LRBA: variants seen among roughly 807,000 people sequenced by gnomAD.
The protein encoded by LRBA is lipopolysaccharide-responsive and beige-like anchor protein.
A neutral mutation model predicts 330.0 loss-of-function variants in LRBA; 176 were observed. The ratio of observed to expected loss-of-function variants is 0.53; its 90% confidence interval spans 0.47 to 0.60. The LOEUF is 0.60. LRBA is among the 20% of genes least tolerant of loss of function. LRBA has a pLI of 0.00. For missense variants in LRBA, 3,259 were observed against 3,444.8 expected (o/e 0.95, Z 1.35); for synonymous variants, 1,230 against 1,193.0 (o/e 1.03, Z -0.64).
Position 150,325,885 on chromosome 4 carries a change from T to C in LRBA, c.7376A>G (p.Gln2459Arg), listed in dbSNP as rs369733391. Residue 2459 changes from glutamine to arginine, a missense_variant, in exon 49 of 57, where the codon CAA becomes CGA. Coordinates refer to ENST00000651943, the MANE Select transcript of LRBA (RefSeq NM_001364905.1). ...AGGAGTCTGTCCAAAACTTCGGATT[T>C]GAGCTTCAACAGCCTGAAAAGGGCA... is the stretch of plus-strand genomic sequence containing the variant. ...DPVLREAVEA[Q>R]IRSFGQTPSQ... 1.2e-6 allele frequency: 2 copies of C among 1,611,838 alleles called. No homozygotes were observed. The highest frequency in any genetic ancestry group is 8.5e-7 in the Non-Finnish European group (1 of 1,178,368).
At chr4:150,980,185 AAT>A (rs1379105722) in intron 2 of LRBA, among the ~76,000 whole-genome samples, 1 of 152,226 alleles carries the variant, frequency 6.6e-6, no homozygotes, top group Non-Finnish European at 1.5e-5. Flanking sequence ...CAAATCAATC[AAT>A]ATGATACATC....
chr4:150,712,056 G>T (rs1786272836), intron 36 of LRBA, among the ~76,000 whole-genome samples: 1 of 152,128 alleles, frequency 6.6e-6, no homozygotes. Context: ...TTCTTCTGGT[G>T]CAACTCAAGG....
At chr4:151,008,638 T>C (rs1244541073) in intron 2 of LRBA, among the ~76,000 whole-genome samples, 2 of 151,760 alleles carry the variant, frequency 1.3e-5, no homozygotes, top group Admixed American at 1.3e-4. Context: ...TTCAAACTCA[T>C]GTTATTCAAG....
chr4:150,747,494 C>G (rs1582227398), intron 35 of LRBA, among the ~76,000 whole-genome samples: 1 of 152,324 alleles, frequency 6.6e-6, no homozygotes, highest in Middle Eastern at 3.4e-3. Context: ...GAAACTTTGA[C>G]TATCCACTTC....
chr4:150,713,575 A>C (rs1218649529), intron 36 of LRBA, among the ~76,000 whole-genome samples: 1 of 152,228 alleles, frequency 6.6e-6, no homozygotes, highest in Non-Finnish European at 1.5e-5. Flanking sequence ...AAGTATAATG[A>C]AACCTATTCT....
At chr4:150,465,684 A>G (rs908343411) in intron 44 of LRBA, among the ~76,000 whole-genome samples, 1 of 152,212 alleles carries the variant, frequency 6.6e-6, no homozygotes, top group Admixed American at 6.5e-5. Context: ...TTCTTTACCC[A>G]TTTTTGAATG....
intron 47 of LRBA, among the ~76,000 whole-genome samples, chr4:150,412,175 G>C (rs972090585): frequency 6.6e-6 from 1 of 152,042 alleles, no homozygotes; most frequent in Non-Finnish European, 1.5e-5. Context: ...AACTATGTTT[G>C]CATTTGAATT....
intron 37 of LRBA, among the ~76,000 whole-genome samples, chr4:150,631,548 A>G (rs1777379555): frequency 6.6e-6 from 1 of 152,232 alleles, no homozygotes; most frequent in Non-Finnish European, 1.5e-5. Context: ...TTAAATTTCG[A>G]TATGTATTAC....
At chr4:150,401,840 A>G (rs1445090876) in intron 47 of LRBA, among the ~76,000 whole-genome samples, 1 of 151,974 alleles carries the variant, frequency 6.6e-6, no homozygotes, top group Non-Finnish European at 1.5e-5. Flanking sequence ...CAGTAAAAAT[A>G]TTGTGTGTAT....
chr4:150,661,088 A>C (rs1270663807), intron 37 of LRBA, among the ~76,000 whole-genome samples: 2 of 149,794 alleles, frequency 1.3e-5, no homozygotes, highest in Non-Finnish European at 3.0e-5. Context: ...TAAAAAAAAA[A>C]AAAAAAAAAA....
chr4:150,287,832 T>A (rs565768856), intron 53 of LRBA, among the ~76,000 whole-genome samples: 36 of 152,296 alleles, frequency 2.4e-4, no homozygotes, highest in African/African-American at 8.7e-4. Flanking sequence ...GAGGCAAACT[T>A]ACCTTAATTA....
chr4:150,814,572 T>C (rs1744270608), intron 31 of LRBA, among the ~76,000 whole-genome samples: 4 of 150,938 alleles, frequency 2.7e-5, no homozygotes. Context: ...AAACAAATGG[T>C]AAACAGAAAG....
At chr4:150,803,922 T>C (rs1403907466) in intron 33 of LRBA, among the ~76,000 whole-genome samples, 1 of 152,164 alleles carries the variant, frequency 6.6e-6, no homozygotes, top group Admixed American at 6.5e-5. Flanking sequence ...GTATTTAACA[T>C]GATCCTATCT....
At chr4:150,289,192 T>G (rs7656639) in intron 53 of LRBA, among the ~76,000 whole-genome samples, 39,629 of 152,150 alleles carry the variant, frequency 0.26, 5,382 homozygotes, top group Non-Finnish European at 0.3. Flanking sequence ...TTTTGTAAAC[T>G]CGTAAGATTT....
chr4:150,849,600 C>A, intron 24 of LRBA, 25 bp from the exon 25 acceptor site: 1 of 1,591,180 alleles, frequency 6.3e-7, no homozygotes, highest in South Asian at 1.1e-5. Flanking sequence ...ATGATATTTA[C>A]TGATAAAGCT....
At chr4:150,781,800 C>A (rs1440071259) in intron 34 of LRBA, among the ~76,000 whole-genome samples, 1 of 152,116 alleles carries the variant, frequency 6.6e-6, no homozygotes, top group Admixed American at 6.5e-5. Flanking sequence ...CATCACAAAT[C>A]TGTCTCCTCA....
At chr4:150,691,637 T>G (rs952017042) in intron 36 of LRBA, among the ~76,000 whole-genome samples, 1 of 152,324 alleles carries the variant, frequency 6.6e-6, no homozygotes, top group South Asian at 2.1e-4. Flanking sequence ...GAAAATAGTT[T>G]GTCAATTTCT....
chr4:151,014,684 C>A lies in LRBA; in HGVS notation c.-42G>T, dbSNP rs780545278. On this transcript the variant is annotated 5_prime_UTR_variant, in exon 2 of 57. Coordinates refer to ENST00000651943, the MANE Select transcript of LRBA (RefSeq NM_001364905.1). ...AGGACAACTCAGAGTCACCCTGGGA[C>A]GGCAGTCGCTGCACTGGTAATGAGC... 7.8e-6 allele frequency: 11 copies of A among 1,404,078 alleles called. No individual in the cohort carries two copies. The highest frequency in any genetic ancestry group is 1.3e-5 in the South Asian group (1 of 79,234). 87.0% of individuals were successfully genotyped at this position (1,404,078 alleles called of 1,614,324 possible).
At chr4:150,445,371 C>CTA (rs1561188450) in intron 44 of LRBA, among the ~76,000 whole-genome samples, 1 of 84,386 alleles carries the variant, frequency 1.2e-5, no homozygotes, top group African/African-American at 4.5e-5. Flanking sequence ...CTCTCTCTCT[C>CTA]TCTCTCTATA....
Sources: allele counts gnomAD v4.1 joint callset (sites outside exome capture counted in the v4.1 genomes callset), GRCh38; gene constraint gnomAD v4.1.1; transcripts MANE v1.5; gene names NCBI Gene and HGNC (gene_info 2026-07-23, HGNC 2026-07-21).